NCOA2: variants seen among roughly 807,000 people sequenced by gnomAD.
The protein encoded by NCOA2 is nuclear receptor coactivator 2, also known as class E basic helix-loop-helix protein 75.
Under a neutral mutation model 145.1 loss-of-function variants are expected in NCOA2, and 21 were observed. That is an observed-to-expected ratio of 0.14 (90% confidence interval 0.10 to 0.21). The LOEUF is 0.21. Ranked by LOEUF, NCOA2 falls within the 10% of genes least tolerant of loss-of-function variation. The pLI is 1.00. For synonymous variants in NCOA2, 619 were observed against 637.5 expected, an observed-to-expected ratio of 0.97 and a Z score of 0.44; for missense variants, 1,472 against 1,837.6, an observed-to-expected ratio of 0.80 and a Z score of 3.64.
rs763328895 is a variant in NCOA2, at chr8:70,111,195, G to A, written c.*2437C>T. 6.3e-5 allele frequency: 14 copies of A among 222,978 alleles called. No homozygotes were observed. Among genetic ancestry groups the A allele is most frequent in the South Asian group, 1.8e-4 (1 of 5,442 alleles). The allele number at this position is 222,978 out of a possible 1,614,324, so 13.8% of individuals were successfully genotyped here. ...TAAATTACCAGTATCATGAAGTTGCGGATTTGTCTGAATTAGGATTGACAT... is the reference window on the plus strand; with the variant it reads ...TAAATTACCAGTATCATGAAGTTGCAGATTTGTCTGAATTAGGATTGACAT... On this transcript the variant is annotated 3_prime_UTR_variant, in exon 23 of 23. Transcript: ENST00000452400.
chr8:70,400,463 T>C (rs1292591596), intron 1 of NCOA2, among the ~76,000 whole-genome samples: 3 of 152,022 alleles, frequency 2.0e-5, no homozygotes, highest in East Asian at 1.9e-4. Context: ...TTTTCAAGGA[T>C]TGTTGCAAAG....
At chr8:70,240,030 C>T (rs1037451915) in intron 2 of NCOA2, among the ~76,000 whole-genome samples, 1 of 152,154 alleles carries the variant, frequency 6.6e-6, no homozygotes, top group Non-Finnish European at 1.5e-5. Context: ...CATATCTAGA[C>T]TATCACACAG....
rs372917289 is a variant in NCOA2, at chr8:70,229,818, C to A, written c.-19-13054G>T. ...GCACAGCATCAGCTTGCCAAGCCTT[C>A]CCCATGATTCTGATGCTTGCTGAGA... is the stretch of plus-strand genomic sequence containing the variant. On this transcript the variant is annotated intron_variant, in intron 2 of 22. Transcript: ENST00000452400. Among the ~76,000 whole-genome samples the A allele has an allele frequency of 1.8e-4, 28 of 152,280 alleles. No individual in the cohort carries two copies. The East Asian group carries it at 5.4e-3, about 29-fold the overall frequency.
At position 70,125,803 on chromosome 8, in the gene NCOA2, G is replaced by A. The variant is rs569501505; in HGVS notation, c.3917-938C>T. On this transcript the variant is annotated intron_variant, in intron 19 of 22. Transcript: ENST00000452400. ...CAATGTATGCTTCTTGTTCAGTTTCGAGGCAAACAGAATTTAAACTAAAAG... is the reference window on the plus strand; with the variant it reads ...CAATGTATGCTTCTTGTTCAGTTTCAAGGCAAACAGAATTTAAACTAAAAG... Among the ~76,000 whole-genome samples, 7 of 152,124 alleles carry A rather than the reference G, an allele frequency of 4.6e-5. No homozygotes were observed. In the East Asian group the frequency reaches 1.2e-3, roughly 25 times the overall value.
chr8:70,195,842 C>T (rs565703722), intron 4 of NCOA2, among the ~76,000 whole-genome samples: 2 of 152,308 alleles, frequency 1.3e-5, no homozygotes, highest in South Asian at 4.1e-4. Context: ...CCAATTCATT[C>T]CCACCCCAAA....
At chr8:70,285,737 A>G (rs1277641016) in intron 2 of NCOA2, among the ~76,000 whole-genome samples, 4 of 152,380 alleles carry the variant, frequency 2.6e-5, no homozygotes, top group Non-Finnish European at 5.9e-5. Flanking sequence ...ACTTTACTGC[A>G]TGCACTATCA....
chr8:70,130,641 C>A (rs1045630767), intron 16 of NCOA2, among the ~76,000 whole-genome samples: 3 of 152,176 alleles, frequency 2.0e-5, no homozygotes, highest in African/African-American at 7.2e-5. Context: ...CCTGTGTCTG[C>A]TCAACTGTGG....
chr8:70,391,305 T>A (rs1315783705), intron 1 of NCOA2, among the ~76,000 whole-genome samples: 1 of 152,208 alleles, frequency 6.6e-6, no homozygotes, highest in African/African-American at 2.4e-5. Flanking sequence ...TAAAATTAAG[T>A]GTCTCAATTT....
the NCOA2 span, among the ~76,000 whole-genome samples, chr8:70,451,217 CAAA>C: frequency 5.4e-4 from 35 of 65,330 alleles, no homozygotes; most frequent in East Asian, 4.6e-3. Context: ...GACTCCGTCT[CAAA>C]AAAAAAAAAA....
chr8:70,284,101 G>A (rs1826074071), intron 2 of NCOA2, among the ~76,000 whole-genome samples: 1 of 152,100 alleles, frequency 6.6e-6, no homozygotes, highest in South Asian at 2.1e-4. Flanking sequence ...AAACAGCAAG[G>A]TGCACTAGAA....
chr8:70,159,766 C>T, intron 9 of NCOA2, 114 bp from the exon 10 acceptor site: 1 of 927,506 alleles, frequency 1.1e-6, no homozygotes, highest in Non-Finnish European at 1.6e-6. Flanking sequence ...TAGTTTCCCA[C>T]CAGCATGTAA....
At chr8:70,295,313 A>G (rs1275145358) in intron 2 of NCOA2, among the ~76,000 whole-genome samples, 1 of 152,208 alleles carries the variant, frequency 6.6e-6, no homozygotes. Context: ...TAGTGGGAAA[A>G]TATTAATTTA....
intron 1 of NCOA2, among the ~76,000 whole-genome samples, chr8:70,331,738 T>C (rs563615060): frequency 1.9e-3 from 286 of 152,298 alleles, no homozygotes; most frequent in African/African-American, 6.5e-3. Flanking sequence ...TGCTTACATT[T>C]AAATTTTCTA....
At chr8:70,233,801 T>C (rs1462735391) in intron 2 of NCOA2, among the ~76,000 whole-genome samples, 2 of 152,222 alleles carry the variant, frequency 1.3e-5, no homozygotes, top group Non-Finnish European at 2.9e-5. Context: ...GTTATCCAGG[T>C]TTCCATCTGG....
chr8:70,123,699 T>C, intron 21 of NCOA2, 185 bp downstream of exon 21: 1 of 445,758 alleles, frequency 2.2e-6, no homozygotes, highest in Non-Finnish European at 3.9e-6. Context: ...TCCTTTCTGT[T>C]TATTTAATCA....
intron 2 of NCOA2, among the ~76,000 whole-genome samples, chr8:70,278,902 A>C (rs1489060364): frequency 6.6e-6 from 1 of 151,618 alleles, no homozygotes; most frequent in Admixed American, 6.6e-5. Context: ...GGAGGCAGAC[A>C]CTGCAGTGAA....
the NCOA2 span, chr8:70,424,599 T>C: frequency 2.2e-6 from 1 of 453,782 alleles, no homozygotes; most frequent in South Asian, 1.7e-5. Context: ...AGCGGCGGTG[T>C]GCAGGCCTCC....
intron 1 of NCOA2, among the ~76,000 whole-genome samples, chr8:70,343,470 A>C (rs1008565745): frequency 6.6e-6 from 1 of 151,908 alleles, no homozygotes; most frequent in Admixed American, 6.6e-5. Flanking sequence ...CTCTTTCATT[A>C]AGGATCTAGT....
intron 1 of NCOA2, among the ~76,000 whole-genome samples, chr8:70,335,155 A>AAAAAAAAAAAAAAAAAAAAAT (rs774576238): frequency 4.3e-5 from 5 of 115,386 alleles, no homozygotes; most frequent in Middle Eastern, 4.5e-3. Context: ...AAAAAAAAAG[A>AAAAAAAAAAAAAAAAAAAAAT]TCTCTCCCTA....
Sources: gnomAD v4.1 joint callset for allele counts (sites outside exome capture counted in the v4.1 genomes callset) on GRCh38, gnomAD v4.1.1 for gene constraint, MANE v1.5 for transcripts, NCBI Gene and HGNC (gene_info 2026-07-23, HGNC 2026-07-21) for gene names.